The following AMOTL1 variants were observed in gnomAD, a reference collection of about 807,000 sequenced individuals.
The protein encoded by AMOTL1 is angiomotin like 1.
Under a neutral mutation model 102.9 loss-of-function variants are expected in AMOTL1, and 45 were observed. That is an observed-to-expected ratio of 0.44 (90% CI 0.34 to 0.56). The LOEUF is 0.56. Among genes scored for constraint, AMOTL1 ranks in the 20% least tolerant of loss-of-function variants. AMOTL1 has a pLI of 0.01. For missense variants in AMOTL1, 1,114 were observed against 1,225.6 expected, an observed-to-expected ratio of 0.91 and a Z score of 1.36; for synonymous variants, 481 against 484.7, an observed-to-expected ratio of 0.99 and a Z score of 0.10.
intron 6 of AMOTL1, among the ~76,000 whole-genome samples, chr11:94,845,689 G>A (rs891275742): frequency 6.6e-6 from 1 of 152,198 alleles, no homozygotes; most frequent in Non-Finnish European, 1.5e-5. Context: ...CTATGTGAAG[G>A]TGCCAAAGTC....
In AMOTL1 at chr11:94,713,218, A is replaced by G. The variant is rs141537910; in HGVS notation, c.-51+6621A>G. 3.5e-3 allele frequency among the ~76,000 whole-genome samples: 529 copies of G among 151,958 alleles called. 3 individuals are homozygous for G. The highest frequency in any genetic ancestry group is 6.0e-3 in the Non-Finnish European group (407 of 67,836). The stretch of plus-strand genomic sequence containing the variant: ...TCCATTCTCTTCCATTGATGTGCCT[A>G]TATCTCTGACAATACCACACTCTTT... On this transcript the variant is annotated intron_variant, in intron 1 of 4. Coordinates refer to the AMOTL1 transcript ENST00000299004.
intron 3 of AMOTL1, among the ~76,000 whole-genome samples, chr11:94,811,095 A>G (rs1951673896): frequency 1.3e-5 from 2 of 152,196 alleles, no homozygotes; most frequent in African/African-American, 2.4e-5. Context: ...ACCTTTAGCT[A>G]CTGAACTGCA....
chr11:94,829,994 C>A lies in AMOTL1; in HGVS notation c.1414-56C>A. On this transcript the variant is annotated intron_variant, in intron 4 of 12. Coordinates refer to ENST00000433060, the MANE Select transcript of AMOTL1 (RefSeq NM_130847.3). ...GGCAATGTCTAAGAATCCATTTTAC[C>A]AAGACACCAGCATGAATGTCAAAGG... The A allele has an allele frequency of 2.7e-6, 4 of 1,503,824 alleles. No individual in the cohort carries two copies. In the South Asian group the frequency reaches 5.4e-5, roughly 20 times the overall value. 93.2% of individuals were successfully genotyped at this position (1,503,824 alleles called of 1,614,324 possible).
chr11:94,848,020 A>C (rs1437200052), intron 6 of AMOTL1, among the ~76,000 whole-genome samples: 1 of 152,192 alleles, frequency 6.6e-6, no homozygotes, highest in East Asian at 1.9e-4. Context: ...GTTCATCTCC[A>C]GGATGCCTGC....
chr11:94,867,518 G>A (rs765649746), intron 11 of AMOTL1, among the ~76,000 whole-genome samples: 14 of 152,216 alleles, frequency 9.2e-5, no homozygotes, highest in Non-Finnish European at 1.6e-4. Flanking sequence ...CTGGGAGCCG[G>A]AGGACTTGTT....
intron 12 of AMOTL1, among the ~76,000 whole-genome samples, chr11:94,869,849 G>A (rs1257524796): frequency 6.6e-6 from 1 of 152,146 alleles, no homozygotes; most frequent in East Asian, 1.9e-4. Flanking sequence ...TTGCCTTCAG[G>A]GCTCTAACTT....
intron 1 of AMOTL1, among the ~76,000 whole-genome samples, chr11:94,782,229 A>G (rs577843272): frequency 2.4e-4 from 36 of 152,344 alleles, no homozygotes; most frequent in African/African-American, 8.2e-4. Context: ...ATTTTCTCCA[A>G]AATAAATAAA....
chr11:94,801,232 G>A (rs1249966370), intron 3 of AMOTL1, among the ~76,000 whole-genome samples: 3 of 152,212 alleles, frequency 2.0e-5, no homozygotes, highest in Admixed American at 2.0e-4. Context: ...GTAGCAGTAT[G>A]TGCTGTGTGA....
At chr11:94,869,169 A>C in intron 11 of AMOTL1, 29 bp from the exon 12 acceptor site, 1 of 1,534,020 alleles carries the variant, frequency 6.5e-7, no homozygotes, top group Non-Finnish European at 8.8e-7. Flanking sequence ...GAAAAAAAGA[A>C]TGTTGAAAAA....
chr11:94,806,477 C>T (rs958180944), intron 3 of AMOTL1, among the ~76,000 whole-genome samples: 1 of 152,148 alleles, frequency 6.6e-6, no homozygotes, highest in African/African-American at 2.4e-5. Flanking sequence ...GTAAGCCAGA[C>T]CCATGGCTGT....
At chr11:94,789,590 A>C (rs954897520) in intron 1 of AMOTL1, among the ~76,000 whole-genome samples, 11 of 152,226 alleles carry the variant, frequency 7.2e-5, no homozygotes, top group South Asian at 4.1e-4. Context: ...AGGACTCCTA[A>C]ACAGGCTGGC....
intron 3 of AMOTL1, among the ~76,000 whole-genome samples, chr11:94,803,609 A>G (rs1471550844): frequency 6.6e-6 from 1 of 152,200 alleles, no homozygotes. Context: ...CAACCCCCCA[A>G]GCAAAGGCAA....
chr11:94,832,910 C>G (rs1952102711), intron 6 of AMOTL1, among the ~76,000 whole-genome samples: 1 of 152,198 alleles, frequency 6.6e-6, no homozygotes, highest in Non-Finnish European at 1.5e-5. Context: ...AATGGAAAAG[C>G]CAGTTCAGTT....
At chr11:94,711,800 TA>T (rs1304416058) in intron 1 of AMOTL1, among the ~76,000 whole-genome samples, 1 of 152,154 alleles carries the variant, frequency 6.6e-6, no homozygotes, top group Non-Finnish European at 1.5e-5. Context: ...TATTGAATAG[TA>T]TGGATGTACT....
At chr11:94,777,056 C>T (rs1432460843) in intron 1 of AMOTL1, among the ~76,000 whole-genome samples, 2 of 152,184 alleles carry the variant, frequency 1.3e-5, no homozygotes, top group East Asian at 3.8e-4. Context: ...ACCAATCTAG[C>T]TTCTTGAAAA....
intron 3 of AMOTL1, among the ~76,000 whole-genome samples, chr11:94,760,206 T>C (rs150818632): frequency 6.6e-6 from 1 of 152,260 alleles, no homozygotes; most frequent in African/African-American, 2.4e-5. Flanking sequence ...ACATAGACTG[T>C]GGAGTTTACT....
chr11:94,811,497 G>A (rs1275198544), intron 3 of AMOTL1, among the ~76,000 whole-genome samples: 1 of 150,658 alleles, frequency 6.6e-6, no homozygotes, highest in African/African-American at 2.4e-5. Context: ...CTCTGCCTCC[G>A]AGAAAAAAAA....
intron 2 of AMOTL1, among the ~76,000 whole-genome samples, chr11:94,734,993 C>A (rs899862454): frequency 5.3e-5 from 8 of 152,200 alleles, no homozygotes; most frequent in Non-Finnish European, 1.0e-4. Flanking sequence ...AAGTTTCTCC[C>A]CATGTGGCAT....
intron 1 of AMOTL1, among the ~76,000 whole-genome samples, chr11:94,782,377 G>T (rs1241285980): frequency 6.6e-6 from 1 of 152,046 alleles, no homozygotes; most frequent in African/African-American, 2.4e-5. Flanking sequence ...ATATGTAAAA[G>T]ACTTTTCTGA....
Sources: gnomAD v4.1 joint callset for allele counts (sites outside exome capture counted in the v4.1 genomes callset) on GRCh38, gnomAD v4.1.1 for gene constraint, MANE v1.5 for transcripts, NCBI Gene and HGNC (gene_info 2026-07-23, HGNC 2026-07-21) for gene names.